Variants in ERCC6L2 observed in about 807,000 individuals in gnomAD.
ERCC6L2 encodes the protein ERCC excision repair 6 like 2.
In ERCC6L2, 77 loss-of-function variants were observed where a neutral mutation model predicts 132.0. The ratio of observed to expected loss-of-function variants is 0.58; its 90% confidence interval spans 0.49 to 0.71. The LOEUF (loss-of-function observed/expected upper bound fraction) is 0.71. Among genes scored for constraint, ERCC6L2 ranks in the 30% least tolerant of loss-of-function variants. ERCC6L2 has a pLI of 0.00. For synonymous variants in ERCC6L2, 583 were observed against 632.4 expected, an observed-to-expected ratio of 0.92 and a Z score of 1.17; for missense variants, 1,542 against 1,837.6, an observed-to-expected ratio of 0.84 and a Z score of 2.94.
At chr9:95,945,154 C>T (rs1001297099) in intron 12 of ERCC6L2, among the ~76,000 whole-genome samples, 2 of 152,122 alleles carry the variant, frequency 1.3e-5, no homozygotes, top group African/African-American at 4.8e-5. Context: ...AAAAGACGGC[C>T]GCACCTGAAG....
intron 12 of ERCC6L2, among the ~76,000 whole-genome samples, chr9:95,946,279 A>G (rs1339340781): frequency 6.6e-6 from 1 of 152,218 alleles, no homozygotes; most frequent in Admixed American, 6.5e-5. Flanking sequence ...CTGTAATCCC[A>G]GCACTTTGGG....
intron 11 of ERCC6L2, among the ~76,000 whole-genome samples, chr9:95,938,489 A>G (rs905382867): frequency 6.6e-6 from 1 of 152,046 alleles, no homozygotes; most frequent in Non-Finnish European, 1.5e-5. Context: ...TTTTCAGCTT[A>G]ATTTGACTTC....
At chr9:95,934,755 T>C (rs1260344138) in intron 11 of ERCC6L2, among the ~76,000 whole-genome samples, 1 of 152,194 alleles carries the variant, frequency 6.6e-6, no homozygotes, top group Non-Finnish European at 1.5e-5. Flanking sequence ...GGTACCATAC[T>C]GCAAAAGTAA....
At position 96,004,612 on chromosome 9, in the gene ERCC6L2, T is replaced by C. The variant is rs777543357; in HGVS notation, c.3585T>C (p.Ile1195=). 1 of 1,319,178 alleles carries C rather than the reference T, an allele frequency of 7.6e-7. No individual in the cohort carries two copies. Among genetic ancestry groups the C allele is most frequent in the Non-Finnish European group, 1.0e-6 (1 of 995,814 alleles). The allele number at this position is 1,319,178 out of a possible 1,614,324, so 81.7% of individuals were successfully genotyped here. A position where few individuals can be genotyped will look rare whatever the true frequency, so the allele number is the denominator to read the frequency against. Reference sequence around the variant, plus strand: ...GCAGCATTTCACTTCCTCTTTACATTTCAAATCCTGTAAACCAGAAGAAGA... The same window carrying C: ...GCAGCATTTCACTTCCTCTTTACATCTCAAATCCTGTAAACCAGAAGAAGA... ...SEGSISLPLY[I]SNPVNQKKKK... The change falls in exon 18 of 19, where the codon ATT becomes ATC. Residue 1195 remains isoleucine (I), a synonymous_variant. Transcript: ENST00000653738.
chr9:95,914,705 A>G (rs887387059), intron 4 of ERCC6L2, among the ~76,000 whole-genome samples: 1 of 152,176 alleles, frequency 6.6e-6, no homozygotes, highest in East Asian at 1.9e-4. Flanking sequence ...TCAGATTATG[A>G]TTTGCAATAT....
At chr9:95,963,427 C>T (rs1475777687) in intron 13 of ERCC6L2, among the ~76,000 whole-genome samples, 2 of 152,032 alleles carry the variant, frequency 1.3e-5, no homozygotes, top group Non-Finnish European at 2.9e-5. Flanking sequence ...GTATGTATTT[C>T]CCCAAAAGAA....
At chr9:95,933,697 A>T (rs550361276) in intron 11 of ERCC6L2, among the ~76,000 whole-genome samples, 3 of 152,106 alleles carry the variant, frequency 2.0e-5, no homozygotes, top group African/African-American at 7.2e-5. Flanking sequence ...ATACAGAATT[A>T]GCCAGGTGCA....
intron 11 of ERCC6L2, among the ~76,000 whole-genome samples, chr9:95,940,576 C>T (rs527530236): frequency 1.8e-4 from 28 of 151,990 alleles, no homozygotes; most frequent in South Asian, 8.3e-4. Context: ...AGTTTGATTC[C>T]GTTATTGTTA....
chr9:96,004,623 T>C lies in ERCC6L2; in HGVS notation c.3596T>C (p.Val1199Ala), dbSNP rs780228746. 30 of 1,323,758 alleles carry C rather than the reference T, an allele frequency of 2.3e-5. No individual in the cohort carries two copies. The highest frequency in any genetic ancestry group is 2.8e-5 in the Non-Finnish European group (28 of 998,342). The allele number at this position is 1,323,758 out of a possible 1,614,324, so 82.0% of individuals were successfully genotyped here. ...CTTCCTCTTTACATTTCAAATCCTG[T>C]AAACCAGAAGAAGAAAAAAGTCTAC... ...ISLPLYISNPVNQKKKKVYHT... is the reference protein window; with the variant it reads ...ISLPLYISNPANQKKKKVYHT... Residue 1199 changes from valine (V) to alanine (A), a missense_variant, in exon 18 of 19, where the codon GTA becomes GCA. Val to Ala is a moderately conservative substitution (Grantham distance 64, BLOSUM62 0). Transcript: ENST00000653738.
At chr9:95,899,335 C>T (rs1271110695) in intron 3 of ERCC6L2, among the ~76,000 whole-genome samples, 1 of 151,764 alleles carries the variant, frequency 6.6e-6, no homozygotes, top group Non-Finnish European at 1.5e-5. Context: ...CCAGTAGTCC[C>T]AGGTACTTCG....
At chr9:95,923,458 A>G (rs771354550) in intron 9 of ERCC6L2, 79 bp downstream of exon 9, 1 of 1,512,986 alleles carries the variant, frequency 6.6e-7, no homozygotes. Context: ...GACACCAACT[A>G]ATCAGAACAG....
At chr9:95,896,951 TTTC>T (rs972916502) in intron 2 of ERCC6L2, among the ~76,000 whole-genome samples, 6 of 152,170 alleles carry the variant, frequency 3.9e-5, no homozygotes, top group African/African-American at 1.4e-4. Flanking sequence ...TATCATTTCT[TTTC>T]TTCTATCATT....
Position 96,013,265 on chromosome 9 carries a change from C to T in ERCC6L2, c.*62C>T. On this transcript the variant is annotated 3_prime_UTR_variant, in exon 19 of 19. Transcript: ENST00000653738. Reference sequence around the variant, plus strand: ...CATCACTGTTTACGGCACTGGATTCCACACTGATTCTATTATCTTGAACAC... The same window carrying T: ...CATCACTGTTTACGGCACTGGATTCTACACTGATTCTATTATCTTGAACAC... 1.6e-6 allele frequency: 2 copies of T among 1,224,888 alleles called. No homozygotes were observed. Among genetic ancestry groups the T allele is most frequent in the Non-Finnish European group, 2.1e-6 (2 of 933,502 alleles). The allele number at this position is 1,224,888 out of a possible 1,614,324, so 75.9% of individuals were successfully genotyped here.
intron 9 of ERCC6L2, among the ~76,000 whole-genome samples, chr9:95,924,313 A>G (rs1830010074): frequency 6.6e-6 from 1 of 152,126 alleles, no homozygotes; most frequent in Non-Finnish European, 1.5e-5. Context: ...GAATATACAT[A>G]CATACATAAA....
chr9:95,883,070 T>G (rs1197410516), intron 2 of ERCC6L2, among the ~76,000 whole-genome samples: 1 of 152,212 alleles, frequency 6.6e-6, no homozygotes, highest in Non-Finnish European at 1.5e-5. Flanking sequence ...ATTTGTTTTA[T>G]CTGAGTTCCT....
intron 3 of ERCC6L2, chr9:95,904,963 T>A (rs567828480): frequency 6.6e-6 from 1 of 152,330 alleles, no homozygotes; most frequent in South Asian, 2.1e-4. Context: ...TTTATAAAAT[T>A]GTATTTTAGC....
intron 11 of ERCC6L2, among the ~76,000 whole-genome samples, chr9:95,936,010 G>GT (rs1159312329): frequency 6.6e-6 from 1 of 152,126 alleles, no homozygotes; most frequent in Non-Finnish European, 1.5e-5. Flanking sequence ...AAGGTCTGAA[G>GT]TAAGAGAGGA....
chr9:95,891,709 T>A (rs1196007146), intron 2 of ERCC6L2, among the ~76,000 whole-genome samples: 1 of 152,192 alleles, frequency 6.6e-6, no homozygotes, highest in African/African-American at 2.4e-5. Flanking sequence ...CAACACTTGT[T>A]ATTTTTTGGT....
At chr9:95,887,603 C>G (rs114337514) in intron 2 of ERCC6L2, among the ~76,000 whole-genome samples, 2,763 of 152,118 alleles carry the variant, frequency 0.018, 88 homozygotes, top group African/African-American at 0.062. Context: ...ATTTTTGTTT[C>G]TATATTATTA....
Sources: allele counts gnomAD v4.1 joint callset (sites outside exome capture counted in the v4.1 genomes callset), GRCh38; gene constraint gnomAD v4.1.1; transcripts MANE v1.5; gene names NCBI Gene and HGNC (gene_info 2026-07-23, HGNC 2026-07-21).